Variants in ASIC2 observed in about 807,000 individuals in gnomAD.
The protein encoded by ASIC2 is acid-sensing ion channel 2.
ASIC2 carries 25 observed loss-of-function variants against 57.3 expected under a neutral mutation model. The ratio of observed to expected loss-of-function variants is 0.44; its 90% CI spans 0.32 to 0.61. The LOEUF (loss-of-function observed/expected upper bound fraction) is 0.61, where lower values mean the gene tolerates loss of function less well. Among genes scored for constraint, ASIC2 ranks in the 20% least tolerant of loss-of-function variants. The pLI is 0.06. For synonymous variants in ASIC2, 319 were observed against 307.5 expected, an observed-to-expected ratio of 1.04 and a Z score of -0.39; for missense variants, 641 against 738.1, an observed-to-expected ratio of 0.87 and a Z score of 1.52.
intron 1 of ASIC2, among the ~76,000 whole-genome samples, chr17:33,161,094 T>C (rs1190358238): frequency 2.0e-5 from 3 of 152,162 alleles, no homozygotes; most frequent in Non-Finnish European, 4.4e-5. Flanking sequence ...GCAGCATCTA[T>C]TGTTATAATA....
intron 1 of ASIC2, among the ~76,000 whole-genome samples, chr17:33,137,339 T>G (rs2142013553): frequency 6.6e-6 from 1 of 152,344 alleles, no homozygotes; most frequent in Admixed American, 6.5e-5. Context: ...AATCTCCAAG[T>G]GGGTGGCAGA....
At chr17:33,464,915 CT>C (rs930971711) in intron 1 of ASIC2, among the ~76,000 whole-genome samples, 9 of 151,716 alleles carry the variant, frequency 5.9e-5, no homozygotes, top group South Asian at 2.1e-4. Context: ...CAACAAGGCA[CT>C]TTTTTTTCTG....
At chr17:33,716,930 A>C (rs1909241836) in intron 1 of ASIC2, among the ~76,000 whole-genome samples, 1 of 152,266 alleles carries the variant, frequency 6.6e-6, no homozygotes, top group African/African-American at 2.4e-5. Context: ...AATGGAGTTT[A>C]ATAGCATTGA....
chr17:33,330,616 C>T (rs1267341005), intron 1 of ASIC2, among the ~76,000 whole-genome samples: 5 of 152,188 alleles, frequency 3.3e-5, no homozygotes, highest in Non-Finnish European at 4.4e-5. Flanking sequence ...AGACCTGTCT[C>T]TACGACTCTA....
At chr17:33,184,069 G>C (rs1190530396) in intron 1 of ASIC2, among the ~76,000 whole-genome samples, 2 of 152,174 alleles carry the variant, frequency 1.3e-5, no homozygotes, top group Non-Finnish European at 2.9e-5. Flanking sequence ...ATAGTACTGA[G>C]TTAATGGAGG....
intron 1 of ASIC2, among the ~76,000 whole-genome samples, chr17:33,568,893 T>G (rs922852670): frequency 1.3e-5 from 2 of 152,182 alleles, no homozygotes; most frequent in African/African-American, 4.8e-5. Context: ...GAACTCAGCC[T>G]GTAGGCATAA....
At chr17:33,334,692 T>A (rs1326212602) in intron 1 of ASIC2, among the ~76,000 whole-genome samples, 1 of 152,242 alleles carries the variant, frequency 6.6e-6, no homozygotes, top group Non-Finnish European at 1.5e-5. Flanking sequence ...TGCAAGCAAC[T>A]GCTCCTCCTT....
At chr17:34,034,078 A>T (rs1304625517) in intron 1 of ASIC2, among the ~76,000 whole-genome samples, 5 of 152,222 alleles carry the variant, frequency 3.3e-5, no homozygotes, top group Admixed American at 6.5e-5. Flanking sequence ...TTTTAGACCA[A>T]TATCCTTGAT....
chr17:33,205,587 A>T (rs1469068482), intron 1 of ASIC2, among the ~76,000 whole-genome samples: 3 of 152,220 alleles, frequency 2.0e-5, no homozygotes, highest in Non-Finnish European at 4.4e-5. Flanking sequence ...TAGGTATAAT[A>T]CCTATAACAA....
intron 1 of ASIC2, among the ~76,000 whole-genome samples, chr17:33,742,488 T>C (rs1910141243): frequency 6.6e-6 from 1 of 152,208 alleles, no homozygotes; most frequent in South Asian, 2.1e-4. Flanking sequence ...CATTTTGTGC[T>C]CCTCTAGAGA....
At chr17:33,937,928 C>G (rs1205816137) in intron 1 of ASIC2, among the ~76,000 whole-genome samples, 1 of 152,170 alleles carries the variant, frequency 6.6e-6, no homozygotes, top group Non-Finnish European at 1.5e-5. Flanking sequence ...GCAACATTGC[C>G]ATTAACTTAC....
intron 1 of ASIC2, among the ~76,000 whole-genome samples, chr17:34,099,432 AAGAAAAGAAAGAG>A (rs1910728127): frequency 7.6e-6 from 1 of 131,308 alleles, no homozygotes; most frequent in African/African-American, 2.7e-5. Flanking sequence ...TGAAAGAAAG[AAGAAAAGAAAGAG>A]AAAGAAAGAA....
chr17:34,026,473 C>T (rs999539704), intron 1 of ASIC2, among the ~76,000 whole-genome samples: 9 of 152,292 alleles, frequency 5.9e-5, no homozygotes, highest in African/African-American at 2.2e-4. Context: ...AAAGTGACTG[C>T]ACCATAACCT....
intron 1 of ASIC2, among the ~76,000 whole-genome samples, chr17:33,840,826 G>C (rs1476217039): frequency 3.4e-5 from 3 of 88,680 alleles, no homozygotes; most frequent in Admixed American, 1.2e-4. Context: ...CACACACACA[G>C]AGCCTAGATT....
At chr17:33,431,486 C>A (rs1010626559) in intron 1 of ASIC2, among the ~76,000 whole-genome samples, 1 of 58,450 alleles carries the variant, frequency 1.7e-5, no homozygotes, top group Non-Finnish European at 4.4e-5. Flanking sequence ...CACCTGTAAT[C>A]CCAGCTACTC....
intron 1 of ASIC2, among the ~76,000 whole-genome samples, chr17:33,389,846 A>G (rs1453774876): frequency 6.6e-6 from 1 of 152,256 alleles, no homozygotes. Flanking sequence ...GCTTGAGCAC[A>G]AACAACATTT....
intron 4 of ASIC2, among the ~76,000 whole-genome samples, chr17:33,026,288 G>T (rs953116330): frequency 1.3e-5 from 2 of 152,152 alleles, no homozygotes; most frequent in African/African-American, 4.8e-5. Flanking sequence ...GTGACAGGTG[G>T]GCTCACCTTG....
chr17:33,429,679 C>T (rs147549508), intron 1 of ASIC2, among the ~76,000 whole-genome samples: 3 of 152,116 alleles, frequency 2.0e-5, no homozygotes, highest in Non-Finnish European at 2.9e-5. Context: ...TATGAGCCAC[C>T]GCCCCCAGCC....
At chr17:33,535,866 A>G (rs1471419758) in intron 1 of ASIC2, among the ~76,000 whole-genome samples, 1 of 152,216 alleles carries the variant, frequency 6.6e-6, no homozygotes, top group African/African-American at 2.4e-5. Flanking sequence ...CAGCCTCCCC[A>G]CACACTGCTA....
Sources: allele counts gnomAD v4.1 joint callset (sites outside exome capture counted in the v4.1 genomes callset), GRCh38; gene constraint gnomAD v4.1.1; transcripts MANE v1.5; gene names NCBI Gene and HGNC (gene_info 2026-07-23, HGNC 2026-07-21).